Variants in EEF1G observed in about 807,000 individuals in gnomAD.
EEF1G encodes the protein eukaryotic translation elongation factor 1 gamma, also known as elongation factor 1-gamma.
A neutral mutation model predicts 58.3 loss-of-function variants in EEF1G; 14 were observed. The observed-to-expected ratio is 0.24, with a 90% CI of 0.16 to 0.38. The LOEUF (loss-of-function observed/expected upper bound fraction) is 0.38, where lower values mean the gene tolerates loss of function less well. EEF1G is among the 10% of genes least tolerant of loss of function. The probability of loss-of-function intolerance (pLI) is 1.00; values close to 1 mark genes in which losing one functional copy is unlikely to be tolerated. For missense variants in EEF1G, 322 were observed against 550.1 expected (o/e 0.59, Z 4.15); for synonymous variants, 180 against 206.8 (o/e 0.87, Z 1.11).
At chr11:62,564,862 T>C (rs1475801769) in intron 7 of EEF1G, among the ~76,000 whole-genome samples, 1 of 150,270 alleles carries the variant, frequency 6.7e-6, no homozygotes, top group Admixed American at 6.6e-5. Flanking sequence ...GGTCAAGAGA[T>C]TGAGACCATC....
intron 7 of EEF1G, among the ~76,000 whole-genome samples, chr11:62,563,495 G>A (rs1156337482): frequency 6.6e-6 from 1 of 152,038 alleles, no homozygotes; most frequent in Non-Finnish European, 1.5e-5. Context: ...GAGGTAGAAG[G>A]ACCACCTGAG....
At chr11:62,571,238 G>A in intron 4 of EEF1G, 130 bp from the exon 5 acceptor site, 1 of 1,402,320 alleles carries the variant, frequency 7.1e-7, no homozygotes, top group East Asian at 2.4e-5. Context: ...TTCAATGGAG[G>A]CAGATCCTAG....
At chr11:62,565,445 CAATA>C (rs1207346591) in intron 7 of EEF1G, among the ~76,000 whole-genome samples, 3 of 151,784 alleles carry the variant, frequency 2.0e-5, no homozygotes, top group African/African-American at 7.3e-5. Context: ...CATGGTAACC[CAATA>C]AATAGACATT....
chr11:62,561,072 C>T (rs2134289415), intron 7 of EEF1G, among the ~76,000 whole-genome samples: 1 of 152,292 alleles, frequency 6.6e-6, no homozygotes, highest in African/African-American at 2.4e-5. Flanking sequence ...AGGTCACTCC[C>T]TCCACGATTG....
chr11:62,560,813 A>T (rs1467312593), intron 7 of EEF1G, among the ~76,000 whole-genome samples: 1 of 152,002 alleles, frequency 6.6e-6, no homozygotes, highest in Non-Finnish European at 1.5e-5. Context: ...TCACTGACTC[A>T]CCCAAGTCTC....
At chr11:62,569,358 C>CA (rs1050805453) in intron 5 of EEF1G, among the ~76,000 whole-genome samples, 4 of 152,116 alleles carry the variant, frequency 2.6e-5, no homozygotes, top group African/African-American at 9.7e-5. Flanking sequence ...CCTGTAATCC[C>CA]AGCTACTTGG....
chr11:62,563,058 C>T (rs977138926), intron 7 of EEF1G, among the ~76,000 whole-genome samples: 5 of 151,140 alleles, frequency 3.3e-5, no homozygotes, highest in African/African-American at 9.7e-5. Context: ...TGCAGTGAGC[C>T]GAGATCACAC....
rs554970837 is a variant in EEF1G, at chr11:62,569,100, C to T, written c.523-1572G>A. ...ATACACACACGCACACACACACACA[C>T]ACCCCCCACACCCACCCATCCATCA... On this transcript the variant is annotated intron_variant, in intron 5 of 9. Transcript: ENST00000329251. 2.2e-4 allele frequency among the ~76,000 whole-genome samples: 34 copies of T among 152,188 alleles called. No individual in the cohort carries two copies. In the South Asian group the frequency reaches 3.7e-3, roughly 17 times the overall value.
At chr11:62,565,253 GGTGT>G (rs772878360) in intron 7 of EEF1G, among the ~76,000 whole-genome samples, 3 of 152,026 alleles carry the variant, frequency 2.0e-5, no homozygotes, top group Non-Finnish European at 4.4e-5. Context: ...TGGGTGTGGT[GGTGT>G]GTGCCTTTGT....
At chr11:62,560,018 C>T in intron 9 of EEF1G, 51 bp downstream of exon 9, 1 of 1,612,310 alleles carries the variant, frequency 6.2e-7, no homozygotes, top group Non-Finnish European at 8.5e-7. Flanking sequence ...CACAGTGCTT[C>T]TTATATCCCT....
intron 4 of EEF1G, 54 bp from the exon 5 acceptor site, chr11:62,571,162 C>T (rs752997620): frequency 4.0e-5 from 64 of 1,611,808 alleles, no homozygotes; most frequent in Non-Finnish European, 5.1e-5. Flanking sequence ...CTTTCCCTCA[C>T]CTCCCCCATT....
At chr11:62,571,202 G>C in intron 4 of EEF1G, 94 bp from the exon 5 acceptor site, 4 of 1,570,722 alleles carry the variant, frequency 2.5e-6, no homozygotes, top group Non-Finnish European at 3.5e-6. Context: ...TTTTCACCTA[G>C]AAGTCTGAGC....
At chr11:62,565,123 AG>A (rs2134292350) in intron 7 of EEF1G, among the ~76,000 whole-genome samples, 1 of 151,714 alleles carries the variant, frequency 6.6e-6, no homozygotes, top group South Asian at 2.1e-4. Context: ...AGCCAGGTAC[AG>A]TGGCTCACAC....
chr11:62,564,467 A>C (rs1294490940), intron 7 of EEF1G, among the ~76,000 whole-genome samples: 3 of 147,358 alleles, frequency 2.0e-5, no homozygotes, highest in Admixed American at 1.4e-4. Flanking sequence ...CTGTCTCACA[A>C]AAAAAAAAAA....
At chr11:62,572,154 C>A (rs1218201556) in intron 2 of EEF1G, among the ~76,000 whole-genome samples, 1 of 151,958 alleles carries the variant, frequency 6.6e-6, no homozygotes. Flanking sequence ...CTGGATCAAA[C>A]AAGCAGAAGG....
rs1425878046 is a variant in EEF1G, at chr11:62,560,186, G to C, written c.1038C>G (p.Phe346Leu). 1.9e-5 allele frequency: 31 copies of C among 1,614,002 alleles called. No homozygotes were observed. The highest frequency in any genetic ancestry group is 2.5e-5 in the Non-Finnish European group (29 of 1,179,904). The stretch of plus-strand genomic sequence containing the variant: ...TCTTCCTCAGCTTGTCCAGTCGCTG[G>C]AACATTCCTGAAGCGGCAAGGGAGA... ...FMSCNLITGM[F>L]QRLDKLRKNA... The change falls in exon 9 of 10, where the codon TTC becomes TTG. Residue 346 changes from phenylalanine (F) to leucine (L), a missense_variant. By Grantham distance (22) the Phe-to-Leu change is conservative. Transcript: ENST00000329251.
intron 5 of EEF1G, among the ~76,000 whole-genome samples, chr11:62,568,636 C>A (rs1324223308): frequency 3.3e-5 from 5 of 151,982 alleles, no homozygotes; most frequent in Non-Finnish European, 2.9e-5. Context: ...TTGTCTTGCT[C>A]CTTTACAAAA....
At chr11:62,570,889 G>A in intron 5 of EEF1G, 76 bp downstream of exon 5, 5 of 1,594,184 alleles carry the variant, frequency 3.1e-6, no homozygotes, top group South Asian at 2.2e-5. Context: ...CAGAATACAG[G>A]GTAACCTAGA....
chr11:62,570,264 G>A (rs1159279690), intron 5 of EEF1G, among the ~76,000 whole-genome samples: 2 of 152,034 alleles, frequency 1.3e-5, no homozygotes, highest in South Asian at 2.1e-4. Flanking sequence ...GTTTCGCCAT[G>A]CTGGCCAGGA....
Sources: allele counts gnomAD v4.1 joint callset (sites outside exome capture counted in the v4.1 genomes callset), GRCh38; gene constraint gnomAD v4.1.1; transcripts MANE v1.5; gene names NCBI Gene and HGNC (gene_info 2026-07-23, HGNC 2026-07-21).